Variants in CARMIL3 observed in about 807,000 individuals in gnomAD.
The protein encoded by CARMIL3 is capping protein, Arp2/3 and myosin-I linker protein 3.
A neutral mutation model predicts 180.8 loss-of-function variants in CARMIL3; 88 were observed. That is an observed-to-expected ratio of 0.49 (90% CI 0.41 to 0.58). The LOEUF (loss-of-function observed/expected upper bound fraction) is 0.58, where lower values mean the gene tolerates loss of function less well. CARMIL3 is among the 20% of genes least tolerant of loss of function. The pLI, the probability that CARMIL3 is intolerant of heterozygous loss-of-function variation, is 0.00. For missense variants in CARMIL3, 1,548 were observed against 1,787.0 expected (o/e 0.87, Z 2.41); for synonymous variants, 696 against 714.5 (o/e 0.97, Z 0.41).
intron 38 of CARMIL3, 67 bp from the exon 39 acceptor site, chr14:24,069,070 C>G (rs906293602): frequency 2.5e-6 from 4 of 1,599,840 alleles, no homozygotes; most frequent in Non-Finnish European, 3.4e-6. Context: ...CCAGGAGTCA[C>G]AGCCTGGATG....
chr14:24,065,645 G>A lies in CARMIL3; in HGVS notation c.3420G>A (p.Gly1140=). 6.2e-7 allele frequency: 1 copy of A among 1,613,326 alleles called. No individual in the cohort carries two copies. The highest frequency in any genetic ancestry group is 1.7e-4 in the Middle Eastern group (1 of 6,046). The change falls in exon 34 of 40, where the codon GGG becomes GGA. Residue 1140 remains glycine (G), a synonymous_variant. Coordinates refer to ENST00000342740, the MANE Select transcript of CARMIL3 (RefSeq NM_138360.4). The part of the protein sequence containing the change: ...RKMGTEGSEP[G]EGGPAPGTAQ... ...AGGGCACTGAGGGGTCAGAGCCAGG[G>A]GAGGGGGGCCCAGCCCCTGGGACAG... is the stretch of plus-strand genomic sequence containing the variant.
chr14:24,060,088 G>A, intron 23 of CARMIL3, 25 bp downstream of exon 23: 1 of 1,613,706 alleles, frequency 6.2e-7, no homozygotes, highest in Non-Finnish European at 8.5e-7. Flanking sequence ...CCTAAGCAGG[G>A]TGGCACAGCA....
At chr14:24,055,876 G>C (rs1391854947) in intron 10 of CARMIL3, 87 bp downstream of exon 10, 31 of 1,228,248 alleles carry the variant, frequency 2.5e-5, no homozygotes, top group Non-Finnish European at 2.9e-5. Flanking sequence ...CAGGCCTCTG[G>C]ACTATCTTAT....
Position 24,054,173 on chromosome 14 carries a change from A to G in CARMIL3, c.186+35A>G. The G allele has an allele frequency of 6.2e-7, 1 of 1,614,074 alleles. No individual in the cohort carries two copies. The highest frequency in any genetic ancestry group is 8.5e-7 in the Non-Finnish European group (1 of 1,179,936). ...GCTGAGGAGCAGGAGAGCACCTGGC[A>G]TGCTCCCTACCTCCCAAGCCTGGCA... On this transcript the variant is annotated intron_variant, in intron 3 of 39. Transcript: ENST00000342740. The surrounding 1 kb of genome is among the most constrained non-coding windows in gnomAD (Gnocchi z 5.1).
chr14:24,054,933 A>G lies in CARMIL3; in HGVS notation c.460+125A>G. 7.3e-7 allele frequency: 1 copy of G among 1,377,420 alleles called. No homozygotes were observed. Among genetic ancestry groups the G allele is most frequent in the Non-Finnish European group, 1.0e-6 (1 of 984,068 alleles). 85.3% of individuals were successfully genotyped at this position (1,377,420 alleles called of 1,614,324 possible). A position where few individuals can be genotyped will look rare whatever the true frequency, so the allele number is the denominator to read the frequency against. ...CCTGCCTGAAGGACTCCCAGCTCCC[A>G]GACCTCAGGAAGTTCATGGCATAGC... On this transcript the variant is annotated intron_variant, in intron 6 of 39. Coordinates refer to ENST00000342740, the MANE Select transcript of CARMIL3 (RefSeq NM_138360.4). This position sits in a 1 kb window ranked among gnomAD's most constrained non-coding sequence, Gnocchi z 5.1.
At chr14:24,063,593 T>C in intron 31 of CARMIL3, 60 bp downstream of exon 31, 7 of 1,510,614 alleles carry the variant, frequency 4.6e-6, no homozygotes, top group East Asian at 2.3e-5. Context: ...GAGCCAGGAG[T>C]TTTACCTTTA....
rs1226200356 is a variant in CARMIL3 at position 24,061,629 on chromosome 14, G to T, written c.2437G>T (p.Ala813Ser). Reference sequence around the variant, plus strand: ...TGTGCCCCGGAACTTCATCCGAGGGGCACTGCTGGAGCAAGCAGGACAGGA... The same window carrying T: ...TGTGCCCCGGAACTTCATCCGAGGGTCACTGCTGGAGCAAGCAGGACAGGA... ...VTVPRNFIRGALLEQAGQDIQ... is the reference protein window; with the variant it reads ...VTVPRNFIRGSLLEQAGQDIQ... The change falls in exon 27 of 40, where the codon GCA becomes TCA. Residue 813 changes from alanine (A) to serine (S), a missense_variant. By Grantham distance (99) the Ala-to-Ser change is moderately conservative. This residue lies in a region of CARMIL3 where 297 missense variants were observed against 415.9 expected (regional missense o/e 0.71). Coordinates refer to ENST00000342740, the MANE Select transcript of CARMIL3 (RefSeq NM_138360.4). This position sits in a 1 kb window ranked among gnomAD's most constrained non-coding sequence, Gnocchi z 4.1. 1 of 1,613,970 alleles carries T rather than the reference G, an allele frequency of 6.2e-7. No individual in the cohort carries two copies. The highest frequency in any genetic ancestry group is 8.5e-7 in the Non-Finnish European group (1 of 1,180,000).
chr14:24,069,160 A>T lies in CARMIL3; in HGVS notation c.4006A>T (p.Thr1336Ser). 1 of 1,614,082 alleles carries T rather than the reference A, an allele frequency of 6.2e-7. No individual in the cohort carries two copies. Among genetic ancestry groups the T allele is most frequent in the Non-Finnish European group, 8.5e-7 (1 of 1,180,010 alleles). The change falls in exon 39 of 40, where the codon ACT becomes TCT. Residue 1336 changes from threonine to serine, a missense_variant. Around this residue, in one of 4 missense-constraint regions of CARMIL3, gnomAD observed 668 missense variants for 687.8 expected, o/e 0.97. Transcript: ENST00000342740. Reference protein sequence around the residue: ...VQGPPDPGRRTAPLKPKRTRR... With the variant: ...VQGPPDPGRRSAPLKPKRTRR... ...AGGGCCCCCTGATCCAGGCCGGCGG[A>T]CTGCCCCCCTGAAGCCCAAGAGGAC...
rs751606590 is a variant in CARMIL3 at position 24,062,577 on chromosome 14, C to T, written c.2568+10C>T. 3 of 1,613,922 alleles carry T rather than the reference C, an allele frequency of 1.9e-6. No individual in the cohort carries two copies. Among genetic ancestry groups the T allele is most frequent in the Non-Finnish European group, 2.5e-6 (3 of 1,179,840 alleles). On this transcript the variant is annotated intron_variant, in intron 28 of 39. Coordinates refer to ENST00000342740, the MANE Select transcript of CARMIL3 (RefSeq NM_138360.4). ...TTCCCACAAGAGCCTGGTAAGGCTT[C>T]TTCTGCAGCCTGGCCTGGCTCGGGC...
In CARMIL3 at chr14:24,057,016, G is replaced by A. The variant is rs1452749513; in HGVS notation, c.1054G>A (p.Glu352Lys). The change falls in exon 13 of 40, where the codon GAG (glutamate) becomes AAG (lysine). Residue 352 changes from glutamate to lysine, a missense_variant. Transcript: ENST00000342740. ...GAATCCTGGGCTCCTCGCCACGGAT[G>A]AGGCCAATGTGAGTCCTCAGAACAG... ...SKNPGLLATD[E>K]ANALYSFLAQ... 3 of 1,613,292 alleles carry A rather than the reference G, an allele frequency of 1.9e-6. No individual in the cohort carries two copies. Among genetic ancestry groups the A allele is most frequent in the South Asian group, 2.2e-5 (2 of 90,874 alleles).
chr14:24,062,604 C>A lies in CARMIL3; in HGVS notation c.2568+37C>A, dbSNP rs748822191. ...TCTGCAGCCTGGCCTGGCTCGGGCA[C>A]GCCCTCCACCCCACATTATCCTGTC... On this transcript the variant is annotated intron_variant, in intron 28 of 39. Transcript: ENST00000342740. 3.7e-6 allele frequency: 6 copies of A among 1,613,056 alleles called. No individual in the cohort carries two copies. In the African/African-American group the frequency reaches 4.0e-5, roughly 11 times the overall value.
intron 31 of CARMIL3, 105 bp from the exon 32 acceptor site, chr14:24,064,141 T>C (rs2138777765): frequency 3.0e-6 from 2 of 667,182 alleles, no homozygotes; most frequent in East Asian, 3.2e-5. Context: ...AACTGAAGTC[T>C]ACATTTCCAT....
Position 24,055,069 on chromosome 14 carries a change from G to T in CARMIL3, c.464G>T (p.Gly155Val). The change falls in exon 7 of 40, where the codon GGC becomes GTC. Residue 155 changes from glycine (G) to valine (V), a missense_variant. Around this residue, in one of 4 missense-constraint regions of CARMIL3, gnomAD observed 578 missense variants for 666.5 expected, o/e 0.87. Transcript: ENST00000342740. ...CAGCCTATCTCCTGCCCCACAGGTG[G>T]CTTCTCTGAGACCTACGCTGCTCTG... ...STSTTHSVCG[G>V]FSETYAALCD... 6.2e-7 allele frequency: 1 copy of T among 1,613,202 alleles called. No individual in the cohort carries two copies. The highest frequency in any genetic ancestry group is 8.5e-7 in the Non-Finnish European group (1 of 1,179,960).
chr14:24,059,612 T>C lies in CARMIL3; in HGVS notation c.1800-52T>C. On this transcript the variant is annotated intron_variant, in intron 21 of 39. Coordinates refer to ENST00000342740, the MANE Select transcript of CARMIL3 (RefSeq NM_138360.4). This position sits in a 1 kb window ranked among gnomAD's most constrained non-coding sequence, Gnocchi z 6.3. ...CCAAGAGGTTTGTGTCCCTGGCCCC[T>C]AGTAGGGACCCAGGAGGAGAGGTGC... is the stretch of plus-strand genomic sequence containing the variant. 6.3e-7 allele frequency: 1 copy of C among 1,597,646 alleles called. No individual in the cohort carries two copies. The highest frequency in any genetic ancestry group is 1.7e-5 in the Admixed American group (1 of 59,350).
In CARMIL3 at chr14:24,060,986, G is replaced by C. The variant is rs1205227598; in HGVS notation, c.2250G>C (p.Gln750His). Residue 750 changes from glutamine to histidine, a missense_variant, in exon 26 of 40, where the codon CAG (glutamine) becomes CAC (histidine). By Grantham distance (24) the Gln-to-His change is conservative. Around this residue, in one of 4 missense-constraint regions of CARMIL3, gnomAD observed 297 missense variants for 415.9 expected, o/e 0.71. Coordinates refer to ENST00000342740, the MANE Select transcript of CARMIL3 (RefSeq NM_138360.4). Reference protein sequence around the residue: ...HVLANDGPVRQRLESVASEVS... With the variant: ...HVLANDGPVRHRLESVASEVS... ...TGGCCAATGATGGGCCTGTGCGGCA[G>C]AGGCTGGAATCAGTAGCAAGTGAGG... is the stretch of plus-strand genomic sequence containing the variant. 8 of 1,551,592 alleles carry C rather than the reference G, an allele frequency of 5.2e-6. No homozygotes were observed. Among genetic ancestry groups the C allele is most frequent in the Admixed American group, 3.9e-5 (2 of 50,988 alleles).
Position 24,063,449 on chromosome 14 carries a change from C to T in CARMIL3, c.2895C>T (p.Pro965=). The T allele has an allele frequency of 1.2e-6, 2 of 1,613,938 alleles. No homozygotes were observed. Among genetic ancestry groups the T allele is most frequent in the Middle Eastern group, 1.6e-4 (1 of 6,062 alleles). Residue 965 remains proline (P), a synonymous_variant, in exon 31 of 40, where the codon CCC becomes CCT. Coordinates refer to ENST00000342740, the MANE Select transcript of CARMIL3 (RefSeq NM_138360.4). ...CCTGGGAAGGTCTATCTGAGCTGCC[C>T]ACTCATGGTTACAAACTAAGGCATC... ...SGSWEGLSEL[P]THGYKLRHQT...
Position 24,054,667 on chromosome 14 carries a change from A to G in CARMIL3, c.363-44A>G. 3 of 1,580,576 alleles carry G rather than the reference A, an allele frequency of 1.9e-6. No individual in the cohort carries two copies. The highest frequency in any genetic ancestry group is 2.6e-6 in the Non-Finnish European group (3 of 1,152,386). ...GAGCTATAACGTGGGAAGAACTGAG[A>G]GCCTCTTTCCAGCCCTCTCTGGAAT... On this transcript the variant is annotated intron_variant, in intron 5 of 39. Transcript: ENST00000342740. The surrounding 1 kb of genome is among the most constrained non-coding windows in gnomAD (Gnocchi z 5.1).
In CARMIL3 at chr14:24,054,084, G is replaced by A; in HGVS notation, c.136-4G>A. The A allele has an allele frequency of 1.9e-6, 3 of 1,613,396 alleles. No individual in the cohort carries two copies. The highest frequency in any genetic ancestry group is 2.2e-5 in the East Asian group (1 of 44,902). On this transcript the variant is annotated splice_region_variant and splice_polypyrimidine_tract_variant and intron_variant, in intron 2 of 39. Transcript: ENST00000342740. This position sits in a 1 kb window ranked among gnomAD's most constrained non-coding sequence, Gnocchi z 5.1. ...GAGCTGCCGATTTTTTCCTCTCTCT[G>A]TAGGCCCTGACCTCCTGGCGCCTCC...
chr14:24,062,772 G>C lies in CARMIL3; in HGVS notation c.2632G>C (p.Asp878His), dbSNP rs776891923. Residue 878 changes from aspartate (D) to histidine (H), a missense_variant, in exon 29 of 40, where the codon GAT (aspartate) becomes CAT (histidine). Coordinates refer to ENST00000342740, the MANE Select transcript of CARMIL3 (RefSeq NM_138360.4). ...ACCAGGGTGCCCAGGCCAAGGGCAG[G>C]ATCTGTCCTCCCGGGGCCGAGGCCG... ...DPPGCPGQGQ[D>H]LSSRGRGRNH... The C allele has an allele frequency of 1.9e-6, 3 of 1,613,886 alleles. No homozygotes were observed. Among genetic ancestry groups the C allele is most frequent in the Non-Finnish European group, 2.5e-6 (3 of 1,179,890 alleles).
Sources: allele counts gnomAD v4.1 joint callset, GRCh38; gene constraint gnomAD v4.1.1; regional missense constraint gnomAD v4.1.1; non-coding constraint Gnocchi (gnomAD v3.1); transcripts MANE v1.5; gene names NCBI Gene and HGNC (gene_info 2026-07-23, HGNC 2026-07-21).